The following ELF2 variants were observed in gnomAD, a reference collection of about 807,000 sequenced individuals.
The protein encoded by ELF2 is E74 like ETS transcription factor 2.
A neutral mutation model predicts 54.8 loss-of-function variants in ELF2; 11 were observed. The observed-to-expected ratio is 0.20, with a 90% CI of 0.13 to 0.33. The LOEUF is 0.33. Among genes scored for constraint, ELF2 ranks in the 10% least tolerant of loss-of-function variants. The pLI is 1.00. For missense variants in ELF2, 513 were observed against 703.0 expected, an observed-to-expected ratio of 0.73 and a Z score of 3.06; for synonymous variants, 203 against 245.1, an observed-to-expected ratio of 0.83 and a Z score of 1.61.
At chr4:139,151,010 C>G (rs576309611) in intron 1 of ELF2, among the ~76,000 whole-genome samples, 1 of 106,992 alleles carries the variant, frequency 9.3e-6, no homozygotes, top group Non-Finnish European at 1.8e-5. Context: ...GGTGACGGAA[C>G]GAGGCTCCAT....
rs183796285 is a variant in ELF2, at chr4:139,092,733, G to A, written c.239-19166C>T. Among the ~76,000 whole-genome samples, 47 of 151,386 alleles carry A rather than the reference G, an allele frequency of 3.1e-4. No individual in the cohort carries two copies. The East Asian group carries it at 7.8e-3, about 25-fold the overall frequency. On this transcript the variant is annotated intron_variant, in intron 4 of 9. Transcript: ENST00000686138. ...GAAGAATGGCGTGAACCTGGGAGGC[G>A]GAGCTTGCAGTGAGCCCAGATCACG...
Position 139,101,483 on chromosome 4 carries a change from T to A in ELF2, c.238+23681A>T, listed in dbSNP as rs938254618. 6 of 152,256 alleles carry A rather than the reference T, an allele frequency of 3.9e-5. No homozygotes were observed. In the East Asian group the frequency reaches 1.2e-3, roughly 29 times the overall value. 9.4% of individuals were successfully genotyped at this position (152,256 alleles called of 1,614,324 possible). A position where few individuals can be genotyped will look rare whatever the true frequency, so the allele number is the denominator to read the frequency against. ...CCCTAAGACTAGCTGCAGAATTAAC[T>A]GCAGTCTCTCATTAGCCCTTCCCAT... On this transcript the variant is annotated intron_variant, in intron 4 of 9. Transcript: ENST00000686138.
chr4:139,092,414 T>TAACATAACATAACATA (rs70940488), intron 4 of ELF2, among the ~76,000 whole-genome samples: 1,207 of 87,788 alleles, frequency 0.014, 63 homozygotes, highest in African/African-American at 0.017. Context: ...TAACATAACA[T>TAACATAACATAACATA]ACATAACATA....
intron 7 of ELF2, chr4:139,066,009 C>CTTTTTTTTTTTTTTTTT (rs372715360): frequency 9.5e-6 from 1 of 105,710 alleles, no homozygotes; most frequent in Non-Finnish European, 1.8e-5. Context: ...TCAATGTCAC[C>CTTTTTTTTTTTTTTTTT]TTTTTTTTTT....
chr4:139,115,070 C>T, intron 4 of ELF2: 2 of 1,613,940 alleles, frequency 1.2e-6, no homozygotes, highest in Non-Finnish European at 1.7e-6. Flanking sequence ...CTCTCCATGT[C>T]CAGGAGCTCA....
At chr4:139,173,239 G>T (rs1400964630) in intron 1 of ELF2, among the ~76,000 whole-genome samples, 2 of 151,956 alleles carry the variant, frequency 1.3e-5, no homozygotes, top group Non-Finnish European at 1.5e-5. Context: ...AAAAATTATT[G>T]AATTATATAC....
chr4:139,090,913 G>GTTTGT lies in ELF2; in HGVS notation c.239-17351_239-17347dup, dbSNP rs60267592. Among the ~76,000 whole-genome samples the GTTTGT allele has an allele frequency of 4.6e-3, 685 of 149,656 alleles. 3 individuals are homozygous for GTTTGT. Among genetic ancestry groups the GTTTGT allele is most frequent in the African/African-American group, 0.016 (656 of 40,576 alleles). ...TTAATGTTTTCCCTTATAGTATATG[G>GTTTGT]TTTGTTTTGTTTTGTTTTGTTTTGT... On this transcript the variant is annotated intron_variant, in intron 4 of 9. Coordinates refer to ENST00000686138, the MANE Select transcript of ELF2 (RefSeq NM_001331036.3).
intron 1 of ELF2, among the ~76,000 whole-genome samples, chr4:139,171,796 C>A (rs907342180): frequency 6.6e-6 from 1 of 151,910 alleles, no homozygotes; most frequent in Non-Finnish European, 1.5e-5. Flanking sequence ...TAGTTGTGCT[C>A]GGCTGTAATC....
intron 4 of ELF2, among the ~76,000 whole-genome samples, chr4:139,096,262 GT>G (rs1240833486): frequency 2.6e-5 from 4 of 151,956 alleles, no homozygotes; most frequent in Non-Finnish European, 5.9e-5. Flanking sequence ...CTATTCTTTT[GT>G]GATAGTTTAT....
intron 4 of ELF2, among the ~76,000 whole-genome samples, chr4:139,076,205 C>G (rs1203429920): frequency 1.3e-5 from 2 of 152,138 alleles, no homozygotes; most frequent in Non-Finnish European, 2.9e-5. Flanking sequence ...GTTGCTCTTT[C>G]CATTTATGGA....
intron 4 of ELF2, among the ~76,000 whole-genome samples, chr4:139,120,208 T>C (rs950715465): frequency 1.6e-4 from 24 of 152,246 alleles, no homozygotes; most frequent in East Asian, 3.8e-4. Flanking sequence ...ACCATCACCA[T>C]GAACAAGCGT....
At chr4:139,086,699 T>C (rs1427253713) in intron 4 of ELF2, among the ~76,000 whole-genome samples, 2 of 152,274 alleles carry the variant, frequency 1.3e-5, no homozygotes, top group East Asian at 1.9e-4. Flanking sequence ...TCAATTCATA[T>C]AGAACTCCCC....
At chr4:139,078,612 G>A (rs1281958320) in intron 4 of ELF2, among the ~76,000 whole-genome samples, 4 of 147,184 alleles carry the variant, frequency 2.7e-5, no homozygotes, top group African/African-American at 1.0e-4. Flanking sequence ...GGGGGAGAGC[G>A]AACTGCCCTC....
chr4:139,148,223 C>T (rs1054812513), intron 1 of ELF2, among the ~76,000 whole-genome samples: 18 of 150,758 alleles, frequency 1.2e-4, no homozygotes, highest in African/African-American at 3.4e-4. Flanking sequence ...AGGCTGCCCA[C>T]TGCAGCCTTG....
At chr4:139,167,632 T>A (rs1169030231) in intron 1 of ELF2, among the ~76,000 whole-genome samples, 1 of 152,178 alleles carries the variant, frequency 6.6e-6, no homozygotes, top group Non-Finnish European at 1.5e-5. Flanking sequence ...CTGGCCTAGA[T>A]CCTAAATTCT....
intron 4 of ELF2, among the ~76,000 whole-genome samples, chr4:139,088,652 A>G (rs1259198828): frequency 6.6e-6 from 1 of 152,200 alleles, no homozygotes; most frequent in African/African-American, 2.4e-5. Flanking sequence ...GTTTGCCTAA[A>G]GTATGATCCT....
intron 4 of ELF2, among the ~76,000 whole-genome samples, chr4:139,092,965 AT>A (rs771791854): frequency 0.015 from 2,005 of 136,624 alleles, 27 homozygotes; most frequent in African/African-American, 0.043. Context: ...ATAGTAAATA[AT>A]TTTTTTTTTT....
At chr4:139,126,825 C>T (rs762771621) in intron 3 of ELF2, among the ~76,000 whole-genome samples, 7 of 151,926 alleles carry the variant, frequency 4.6e-5, no homozygotes, top group Non-Finnish European at 8.8e-5. Context: ...AGAATGTATC[C>T]CATCAATAAG....
chr4:139,158,088 TA>T (rs1405623620), intron 1 of ELF2, among the ~76,000 whole-genome samples: 1 of 151,736 alleles, frequency 6.6e-6, no homozygotes, highest in Non-Finnish European at 1.5e-5. Flanking sequence ...AGAAGGGAGA[TA>T]GGGGTGGGAA....
Sources: allele counts gnomAD v4.1 joint callset (sites outside exome capture counted in the v4.1 genomes callset), GRCh38; gene constraint gnomAD v4.1.1; transcripts MANE v1.5; gene names NCBI Gene and HGNC (gene_info 2026-07-23, HGNC 2026-07-21).